The following CDH13 variants were observed in gnomAD, a reference collection of about 807,000 sequenced individuals.
CDH13 encodes the protein cadherin-13.
Under a neutral mutation model 63.8 loss-of-function variants are expected in CDH13, and 24 were observed. The observed-to-expected ratio is 0.38, with a 90% confidence interval of 0.27 to 0.53. CDH13 has a LOEUF of 0.53. Among genes scored for constraint, CDH13 ranks in the 20% least tolerant of loss-of-function variants. CDH13 has a pLI of 0.85. For missense variants in CDH13, 1,049 were observed against 903.1 expected (o/e 1.16, Z -2.07); for synonymous variants, 503 against 355.3 (o/e 1.42, Z -4.67).
At chr16:82,829,931 A>G (rs1276776646) in intron 1 of CDH13, among the ~76,000 whole-genome samples, 1 of 152,216 alleles carries the variant, frequency 6.6e-6, no homozygotes, top group East Asian at 1.9e-4. Flanking sequence ...TACTTCCATA[A>G]CAATTGTTAG....
At chr16:83,644,342 T>A (rs1230921902) in intron 8 of CDH13, among the ~76,000 whole-genome samples, 1 of 152,198 alleles carries the variant, frequency 6.6e-6, no homozygotes, top group African/African-American at 2.4e-5. Context: ...TTTATAGATG[T>A]CCCACCATTT....
At chr16:82,756,465 G>A (rs1014031838) in intron 1 of CDH13, among the ~76,000 whole-genome samples, 17 of 152,120 alleles carry the variant, frequency 1.1e-4, no homozygotes, top group Non-Finnish European at 2.1e-4. Flanking sequence ...TTTAACCTGC[G>A]TGGCAACCCG....
intron 8 of CDH13, among the ~76,000 whole-genome samples, chr16:83,609,485 C>G (rs1357169713): frequency 2.0e-5 from 3 of 152,206 alleles, no homozygotes; most frequent in Non-Finnish European, 2.9e-5. Flanking sequence ...CATGGAAGAT[C>G]AAATCGGCAA....
chr16:83,180,939 A>C, intron 4 of CDH13: 1 of 1,532,630 alleles, frequency 6.5e-7, no homozygotes, highest in Non-Finnish European at 8.7e-7. Context: ...AAATCCATGC[A>C]TTACAATTTT....
intron 2 of CDH13, among the ~76,000 whole-genome samples, chr16:82,966,302 C>T (rs1280738868): frequency 6.6e-6 from 1 of 151,536 alleles, no homozygotes; most frequent in Non-Finnish European, 1.5e-5. Context: ...GCGCCCGCCA[C>T]CACGCCCAGC....
At position 83,282,172 on chromosome 16, in the gene CDH13, C is replaced by T. The variant is rs527522258; in HGVS notation, c.637-62690C>T. Among the ~76,000 whole-genome samples the T allele has an allele frequency of 8.5e-5, 13 of 152,258 alleles. No homozygotes were observed. The South Asian group carries it at 2.3e-3, about 27-fold the overall frequency. Reference sequence around the variant, plus strand: ...AATTACATTTGCCATCTTTTGTCTTCTGCGGACATGGCTCATGGTACCCCA... The same window carrying T: ...AATTACATTTGCCATCTTTTGTCTTTTGCGGACATGGCTCATGGTACCCCA... On this transcript the variant is annotated intron_variant, in intron 5 of 13. Transcript: ENST00000567109.
intron 1 of CDH13, among the ~76,000 whole-genome samples, chr16:82,851,908 A>G (rs2039505389): frequency 6.6e-6 from 1 of 152,208 alleles, no homozygotes. Flanking sequence ...ATTGATCTCA[A>G]TACACTGACT....
At chr16:83,508,119 A>AGGGAAAAGGAAGGAAGGGAGGG (rs1567722315) in intron 7 of CDH13, among the ~76,000 whole-genome samples, 1 of 75,494 alleles carries the variant, frequency 1.3e-5, no homozygotes, top group Non-Finnish European at 2.6e-5. Context: ...AAAAGGAAGG[A>AGGGAAAAGGAAGGAAGGGAGGG]AGGGAGGAAG....
At chr16:83,475,693 C>T (rs567964755) in intron 6 of CDH13, among the ~76,000 whole-genome samples, 42 of 152,250 alleles carry the variant, frequency 2.8e-4, no homozygotes, top group African/African-American at 9.9e-4. Context: ...GCAGTTCTCA[C>T]ACCTCAGCCT....
intron 2 of CDH13, among the ~76,000 whole-genome samples, chr16:82,956,216 C>T (rs1172396657): frequency 6.6e-6 from 1 of 152,084 alleles, no homozygotes; most frequent in Non-Finnish European, 1.5e-5. Context: ...CTCTCACCTA[C>T]CCTCTAGTCA....
At chr16:83,036,652 C>G (rs1052541987) in intron 3 of CDH13, among the ~76,000 whole-genome samples, 4 of 152,162 alleles carry the variant, frequency 2.6e-5, no homozygotes, top group African/African-American at 4.8e-5. Flanking sequence ...ACTCCTGTGG[C>G]TGCCTGTAAA....
At chr16:82,686,278 C>T (rs1225983919) in intron 1 of CDH13, among the ~76,000 whole-genome samples, 1 of 152,204 alleles carries the variant, frequency 6.6e-6, no homozygotes, top group Non-Finnish European at 1.5e-5. Flanking sequence ...AACAGGAAGT[C>T]ACCTTAGCAG....
chr16:82,724,821 A>G (rs759222845), intron 1 of CDH13, among the ~76,000 whole-genome samples: 2 of 152,168 alleles, frequency 1.3e-5, no homozygotes, highest in Non-Finnish European at 2.9e-5. Context: ...AGCAGGGATG[A>G]TTGAATCTAG....
chr16:83,458,712 G>A (rs564597525), intron 6 of CDH13, among the ~76,000 whole-genome samples: 2 of 152,164 alleles, frequency 1.3e-5, no homozygotes, highest in East Asian at 1.9e-4. Context: ...TTTATATACT[G>A]TCTTTTCATA....
At chr16:83,547,523 G>A (rs1157323162) in intron 7 of CDH13, among the ~76,000 whole-genome samples, 1 of 152,058 alleles carries the variant, frequency 6.6e-6, no homozygotes, top group Non-Finnish European at 1.5e-5. Flanking sequence ...TCATTATTTA[G>A]CTCCCACTTA....
intron 7 of CDH13, among the ~76,000 whole-genome samples, chr16:83,526,825 G>C (rs1464805350): frequency 6.6e-6 from 1 of 152,158 alleles, no homozygotes; most frequent in African/African-American, 2.4e-5. Context: ...TCTTGAAGCA[G>C]GCAGGCAGAC....
intron 5 of CDH13, among the ~76,000 whole-genome samples, chr16:83,313,271 G>T (rs1256508051): frequency 6.6e-6 from 1 of 152,136 alleles, no homozygotes; most frequent in Non-Finnish European, 1.5e-5. Flanking sequence ...TATTTTGAAA[G>T]GTGCATTGGT....
chr16:83,198,711 A>C (rs1326259364), intron 4 of CDH13, among the ~76,000 whole-genome samples: 1 of 152,198 alleles, frequency 6.6e-6, no homozygotes, highest in African/African-American at 2.4e-5. Flanking sequence ...GAATAAATAT[A>C]TAGTCTGTTG....
intron 7 of CDH13, among the ~76,000 whole-genome samples, chr16:83,509,931 T>A (rs2074517787): frequency 6.6e-6 from 1 of 152,178 alleles, no homozygotes; most frequent in South Asian, 2.1e-4. Context: ...GCTGGCCAGG[T>A]GGCAAGACCC....
Sources: allele counts gnomAD v4.1 joint callset (sites outside exome capture counted in the v4.1 genomes callset), GRCh38; gene constraint gnomAD v4.1.1; transcripts MANE v1.5; gene names NCBI Gene and HGNC (gene_info 2026-07-23, HGNC 2026-07-21).